SCFD1: variants seen among roughly 807,000 people sequenced by gnomAD.
SCFD1 encodes sec1 family domain-containing protein 1.
A neutral mutation model predicts 103.2 loss-of-function variants in SCFD1; 37 were observed. The ratio of observed to expected loss-of-function variants is 0.36; its 90% CI spans 0.28 to 0.47. SCFD1 has a LOEUF of 0.47. Among genes scored for constraint, SCFD1 ranks in the 20% least tolerant of loss-of-function variants. The pLI is 1.00. For synonymous variants in SCFD1, 264 were observed against 245.0 expected (o/e 1.08, Z -0.73); for missense variants, 639 against 761.2 (o/e 0.84, Z 1.89).
chr14:30,667,419 C>T (rs1442103096), intron 10 of SCFD1, among the ~76,000 whole-genome samples: 3 of 151,916 alleles, frequency 2.0e-5, no homozygotes, highest in Admixed American at 2.0e-4. Flanking sequence ...AATAATAAGA[C>T]CTATTTATGA....
intron 23 of SCFD1, among the ~76,000 whole-genome samples, chr14:30,724,680 A>C (rs1183259694): frequency 1.3e-5 from 2 of 152,116 alleles, no homozygotes; most frequent in African/African-American, 4.8e-5. Context: ...GCTATGTAGA[A>C]GCTCTTTAGT....
chr14:30,724,371 G>A (rs1264614482), intron 23 of SCFD1, among the ~76,000 whole-genome samples: 1 of 145,996 alleles, frequency 6.8e-6, no homozygotes, highest in African/African-American at 2.5e-5. Flanking sequence ...TCCTGCCTCA[G>A]CCTCTCAAGT....
chr14:30,628,167 T>C, intron 1 of SCFD1, 42 bp from the exon 2 acceptor site: 1 of 1,462,620 alleles, frequency 6.8e-7, no homozygotes, highest in African/African-American at 1.4e-5. Context: ...AATAAAATCC[T>C]AAAAAACAAT....
intron 15 of SCFD1, among the ~76,000 whole-genome samples, chr14:30,695,298 A>G (rs557910279): frequency 6.6e-6 from 1 of 152,182 alleles, no homozygotes; most frequent in Non-Finnish European, 1.5e-5. Flanking sequence ...CTTTTAAAGG[A>G]ACTCTATGGC....
At chr14:30,714,621 A>T (rs1225367214) in intron 19 of SCFD1, among the ~76,000 whole-genome samples, 1 of 152,162 alleles carries the variant, frequency 6.6e-6, no homozygotes. Context: ...ATGTTTTATG[A>T]TCTAAGAAAA....
intron 10 of SCFD1, among the ~76,000 whole-genome samples, chr14:30,657,082 C>T (rs778652138): frequency 3.9e-5 from 6 of 151,952 alleles, no homozygotes; most frequent in East Asian, 1.9e-4. Context: ...ATACAGATCA[C>T]GGGTGCCTCA....
intron 10 of SCFD1, 68 bp from the exon 11 acceptor site, chr14:30,670,188 G>A: frequency 1.6e-6 from 2 of 1,276,790 alleles, no homozygotes; most frequent in Admixed American, 2.5e-5. Flanking sequence ...ACATTAGAAA[G>A]GGCAACAAGA....
intron 23 of SCFD1, among the ~76,000 whole-genome samples, chr14:30,728,532 A>C (rs1893209856): frequency 6.6e-6 from 1 of 152,218 alleles, no homozygotes; most frequent in African/African-American, 2.4e-5. Context: ...GGAACCATAG[A>C]TAATGGCCAC....
intron 14 of SCFD1, among the ~76,000 whole-genome samples, chr14:30,684,687 G>C (rs1048652596): frequency 7.5e-6 from 1 of 133,106 alleles, no homozygotes; most frequent in African/African-American, 2.9e-5. Context: ...CACGCATAGT[G>C]CTTTTGATTG....
chr14:30,716,144 G>A (rs1381126988), intron 20 of SCFD1, among the ~76,000 whole-genome samples, 167 bp downstream of exon 20: 2 of 152,126 alleles, frequency 1.3e-5, no homozygotes, highest in Non-Finnish European at 2.9e-5. Flanking sequence ...CCATTATCAC[G>A]GATTCTGGGA....
At chr14:30,633,653 T>C (rs574043832) in intron 3 of SCFD1, among the ~76,000 whole-genome samples, 1 of 152,282 alleles carries the variant, frequency 6.6e-6, no homozygotes, top group East Asian at 1.9e-4. Context: ...CTGAATATGT[T>C]TTAGTTCTCA....
chr14:30,644,097 G>A (rs192541647), intron 7 of SCFD1: 1 of 404,064 alleles, frequency 2.5e-6, no homozygotes, highest in Non-Finnish European at 5.0e-6. Context: ...AGAACATAGG[G>A]TGTTTTGTTT....
chr14:30,735,264 C>G (rs1293759647), intron 24 of SCFD1, among the ~76,000 whole-genome samples: 1 of 151,904 alleles, frequency 6.6e-6, no homozygotes, highest in Non-Finnish European at 1.5e-5. Flanking sequence ...ACTATGACGA[C>G]GTTTATTGCA....
intron 17 of SCFD1, among the ~76,000 whole-genome samples, chr14:30,703,274 A>T (rs539634210): frequency 6.7e-6 from 1 of 149,662 alleles, no homozygotes; most frequent in African/African-American, 2.5e-5. Flanking sequence ...GCTGGGGGTG[A>T]TAGCTAAATT....
chr14:30,730,567 G>GA (rs1286234017), intron 23 of SCFD1, among the ~76,000 whole-genome samples: 38 of 152,154 alleles, frequency 2.5e-4, no homozygotes, highest in Non-Finnish European at 5.1e-4. Flanking sequence ...GGTGTGAGAT[G>GA]TATCTCATTG....
chr14:30,726,372 G>A (rs541424124), intron 23 of SCFD1, among the ~76,000 whole-genome samples: 1 of 152,132 alleles, frequency 6.6e-6, no homozygotes, highest in Non-Finnish European at 1.5e-5. Context: ...AGACCATCTT[G>A]TAGGGATTTT....
chr14:30,655,515 C>T (rs1415175453), intron 10 of SCFD1, among the ~76,000 whole-genome samples: 1 of 152,202 alleles, frequency 6.6e-6, no homozygotes, highest in Non-Finnish European at 1.5e-5. Context: ...AAGACTGTCA[C>T]TCTAGCTGTT....
At chr14:30,717,443 C>T (rs1398691887) in intron 20 of SCFD1, among the ~76,000 whole-genome samples, 2 of 152,096 alleles carry the variant, frequency 1.3e-5, no homozygotes, top group African/African-American at 4.8e-5. Context: ...TGCCACTGCA[C>T]TCCATCCTGG....
chr14:30,638,002 C>A, intron 4 of SCFD1, 123 bp from the exon 5 acceptor site: 1 of 1,260,216 alleles, frequency 7.9e-7, no homozygotes, highest in Non-Finnish European at 1.0e-6. Flanking sequence ...TCTTGGGATA[C>A]TTTTTTTGAT....
Sources: gnomAD v4.1 joint callset for allele counts (sites outside exome capture counted in the v4.1 genomes callset) on GRCh38, gnomAD v4.1.1 for gene constraint, MANE v1.5 for transcripts, NCBI Gene and HGNC (gene_info 2026-07-23, HGNC 2026-07-21) for gene names.